Variants in DUS3L observed in about 807,000 individuals in gnomAD.
The protein encoded by DUS3L is dihydrouridine synthase 3 like.
Under a neutral mutation model 74.6 loss-of-function variants are expected in DUS3L, and 62 were observed. The ratio of observed to expected loss-of-function variants is 0.83; its 90% CI spans 0.68 to 1.03. The LOEUF is 1.03. Ranked by LOEUF, DUS3L falls within the 50% of genes least tolerant of loss-of-function variation. The probability of loss-of-function intolerance (pLI) is 0.00; values close to 1 mark genes in which losing one functional copy is unlikely to be tolerated. For missense variants in DUS3L, 884 were observed against 924.4 expected (o/e 0.96, Z 0.57); for synonymous variants, 433 against 395.7 (o/e 1.09, Z -1.12).
chr19:5,787,429 C>T, intron 6 of DUS3L, 68 bp from the exon 7 acceptor site: 1 of 1,563,996 alleles, frequency 6.4e-7, no homozygotes, highest in Non-Finnish European at 8.8e-7. Context: ...ACCCCTGCTG[C>T]CCGGAGGCCC....
At chr19:5,788,230 C>T in intron 4 of DUS3L, 54 bp from the exon 5 acceptor site, 1 of 1,610,110 alleles carries the variant, frequency 6.2e-7, no homozygotes, top group African/African-American at 1.3e-5. Flanking sequence ...CACACACACA[C>T]ACACAGCAGA....
At chr19:5,791,010 G>A (rs774613813) in intron 1 of DUS3L, 34 bp downstream of exon 1, 1 of 1,560,384 alleles carries the variant, frequency 6.4e-7, no homozygotes, top group Middle Eastern at 1.8e-4. Context: ...GCCGGAAAAG[G>A]CCCTTCAGCT....
rs979256820 is a variant in DUS3L at position 5,785,926 on chromosome 19, G to A, written c.1563-135C>T. On this transcript the variant is annotated intron_variant, in intron 10 of 12. Transcript: ENST00000309061. ...AGCCTAGTAAGCCTCCCAGCTGCAT[G>A]CACACAACCTTCAAAGCACAGGACT... 1.2e-5 allele frequency: 11 copies of A among 897,548 alleles called. 1 individual carries two copies. The African/African-American group carries it at 1.4e-4, about 11-fold the overall frequency. The allele number at this position is 897,548 out of a possible 1,614,324, so 55.6% of individuals were successfully genotyped here.
intron 10 of DUS3L, 23 bp downstream of exon 10, chr19:5,786,444 C>A (rs1433818564): frequency 5.6e-6 from 9 of 1,610,308 alleles, no homozygotes; most frequent in Non-Finnish European, 5.1e-6. Context: ...GAAGCTGGAT[C>A]TCTAACATCC....
chr19:5,785,792 C>T lies in DUS3L; in HGVS notation c.1563-1G>A. On this transcript the variant is annotated splice_acceptor_variant, in intron 10 of 12. Coordinates refer to ENST00000309061, the MANE Select transcript of DUS3L (RefSeq NM_020175.3). LOFTEE classifies it high-confidence loss of function. ...GAGCCACGGCTTGAGCAGGGCGCCA[C>T]TGTGGGACGGGTGACGATCAGTGGG... 1 of 1,586,496 alleles carries T rather than the reference C, an allele frequency of 6.3e-7. No homozygotes were observed. The highest frequency in any genetic ancestry group is 8.6e-7 in the Non-Finnish European group (1 of 1,167,212).
rs1359147478 is a variant in DUS3L at position 5,791,111 on chromosome 19, C to G, written c.31G>C (p.Glu11Gln). The change falls in exon 1 of 13, where the codon GAG (glutamate) becomes CAG (glutamine). Residue 11 changes from glutamate (E) to glutamine (Q), a missense_variant. Coordinates refer to ENST00000309061, the MANE Select transcript of DUS3L (RefSeq NM_020175.3). ...CCCGAGTCGCCACCACCACCATTCT[C>G]TAGAGGAGCCTCCGCCGTTCCCTCC... The part of the protein sequence containing the change: MAEGTAEAPL[E>Q]NGGGGDSGAG... The G allele has an allele frequency of 2.5e-6, 4 of 1,608,646 alleles. No individual in the cohort carries two copies. In the South Asian group the frequency reaches 4.5e-5, roughly 18 times the overall value.
At chr19:5,786,869 G>A (rs1233396875) in intron 8 of DUS3L, 24 bp from the exon 9 acceptor site, 5 of 1,592,030 alleles carry the variant, frequency 3.1e-6, no homozygotes, top group African/African-American at 2.7e-5. Context: ...CGCCACGCAG[G>A]GTAGGAGGCA....
rs185897394 is a variant in DUS3L, at chr19:5,790,861, C to T, written c.98+183G>A. On this transcript the variant is annotated intron_variant, in intron 1 of 12. Transcript: ENST00000309061. ...TGGTGTCCTTCGCGCATGTGACAGG[C>T]CCCAACGTGCACGATCTCAGGTACC... The T allele has an allele frequency of 5.9e-3, 3,717 of 634,502 alleles. 20 individuals carry two copies. Among genetic ancestry groups the T allele is most frequent in the Non-Finnish European group, 8.1e-3 (2,930 of 360,536 alleles). The allele number at this position is 634,502 out of a possible 1,614,324, so 39.3% of individuals were successfully genotyped here.
chr19:5,787,509 C>G, intron 6 of DUS3L, 80 bp downstream of exon 6: 1 of 1,552,926 alleles, frequency 6.4e-7, no homozygotes. Context: ...AACCCCTGAC[C>G]CTCCACCGAG....
At position 5,785,338 on chromosome 19, in the gene DUS3L, C is replaced by G. The variant is rs777239110; in HGVS notation, c.1880+45G>C. ...GACCTGCAAAGTACCCTCCGTGACC[C>G]CGGGCCCCCGACTGCAGCTCCCCAA... On this transcript the variant is annotated intron_variant, in intron 12 of 12. Transcript: ENST00000309061. 1.9e-6 allele frequency: 3 copies of G among 1,607,282 alleles called. No homozygotes were observed. In the South Asian group the frequency reaches 3.3e-5, roughly 18 times the overall value.
chr19:5,790,437 G>A (rs2056898877), intron 1 of DUS3L, 102 bp from the exon 2 acceptor site: 3 of 1,429,710 alleles, frequency 2.1e-6, no homozygotes, highest in Admixed American at 1.9e-5. Flanking sequence ...TTCTGCTGAT[G>A]GGGAGCTCAC....
At position 5,785,722 on chromosome 19, in the gene DUS3L, G is replaced by A. The variant is rs200545142; in HGVS notation, c.1632C>T (p.Ser544=). 2.4e-4 allele frequency: 382 copies of A among 1,611,846 alleles called. No individual in the cohort carries two copies. Among genetic ancestry groups the A allele is most frequent in the Non-Finnish European group, 3.1e-4 (364 of 1,179,680 alleles). Residue 544 remains serine, a synonymous_variant, in exon 11 of 13, where the codon TCC becomes TCT. Transcript: ENST00000309061. ...AGTCCCGCAGGATGTCCAGGCGCTC[G>A]GACGACGAGATGTCCCAGTGCCGCT... The part of the protein sequence containing the change: ...KEQRHWDISS[S]ERLDILRDFT...
At chr19:5,790,726 A>C (rs887928631) in intron 1 of DUS3L, 9 of 551,362 alleles carry the variant, frequency 1.6e-5, no homozygotes, top group Non-Finnish European at 2.9e-5. Flanking sequence ...AAGACCCGCC[A>C]GTAACGGCCG....
chr19:5,789,750 G>C, intron 2 of DUS3L, 31 bp from the exon 3 acceptor site: 5 of 1,573,228 alleles, frequency 3.2e-6, no homozygotes, highest in Non-Finnish European at 3.4e-6. Context: ...AGTGAGGGAG[G>C]ACAGGGAGAC....
chr19:5,788,534 T>A, intron 3 of DUS3L, 136 bp from the exon 4 acceptor site: 1 of 881,682 alleles, frequency 1.1e-6, no homozygotes, highest in Non-Finnish European at 1.8e-6. Flanking sequence ...CCTCTGCATG[T>A]GCCAATCAAT....
chr19:5,789,210 C>T lies in DUS3L; in HGVS notation c.897G>A (p.Lys299=), dbSNP rs1383265020. The T allele has an allele frequency of 3.3e-6, 5 of 1,532,908 alleles. No individual in the cohort carries two copies. The highest frequency in any genetic ancestry group is 2.8e-5 in the African/African-American group (2 of 71,410). The allele number at this position is 1,532,908 out of a possible 1,614,324, so 95.0% of individuals were successfully genotyped here. ...TGACGTTGTCCTCAACACGTACCCGCTTCTTCTCACAGGGCCGCAGCCTGA... is the reference window on the plus strand; with the variant it reads ...TGACGTTGTCCTCAACACGTACCCGTTTCTTCTCACAGGGCCGCAGCCTGA... ...DVVRLRPCEK[K]RLDIRGKLYL... is the part of the protein sequence containing the mutation. Residue 299 remains lysine, a synonymous_variant, in exon 3 of 13, where the codon AAG becomes AAA. Coordinates refer to ENST00000309061, the MANE Select transcript of DUS3L (RefSeq NM_020175.3).
chr19:5,789,639 G>T lies in DUS3L; in HGVS notation c.468C>A (p.Ala156=). Residue 156 remains alanine (A), a synonymous_variant, in exon 3 of 13, where the codon GCC becomes GCA. Transcript: ENST00000309061. ...DVGRYLETKP[A]DLGPRCVLFE... is the part of the protein sequence containing the mutation. Reference sequence around the variant, plus strand: ...AGAGCACGCAGCGGGGGCCCAGGTCGGCCGGCTTGGTCTCCAGGTAGCGCC... The same window carrying T: ...AGAGCACGCAGCGGGGGCCCAGGTCTGCCGGCTTGGTCTCCAGGTAGCGCC... 6.2e-7 allele frequency: 1 copy of T among 1,606,548 alleles called. No individual in the cohort carries two copies. Among genetic ancestry groups the T allele is most frequent in the Non-Finnish European group, 8.5e-7 (1 of 1,177,686 alleles).
chr19:5,790,731 C>A, intron 1 of DUS3L: 1 of 552,792 alleles, frequency 1.8e-6, no homozygotes. Flanking sequence ...CCGCCAGTAA[C>A]GGCCGCTGGC....
At chr19:5,790,579 C>G (rs2056900280) in intron 1 of DUS3L, among the ~76,000 whole-genome samples, 1 of 152,146 alleles carries the variant, frequency 6.6e-6, no homozygotes, top group Non-Finnish European at 1.5e-5. Flanking sequence ...AACGTCCCTG[C>G]GCACGTTAGG....
Sources: gnomAD v4.1 joint callset for allele counts (sites outside exome capture counted in the v4.1 genomes callset) on GRCh38, gnomAD v4.1.1 for gene constraint, MANE v1.5 for transcripts, NCBI Gene and HGNC (gene_info 2026-07-23, HGNC 2026-07-21) for gene names.